The following CDH19 variants were observed in gnomAD, a reference collection of about 807,000 sequenced individuals.
The protein encoded by CDH19 is cadherin-19.
CDH19 carries 67 observed loss-of-function variants against 64.2 expected under a neutral mutation model. The ratio of observed to expected loss-of-function variants is 1.04; its 90% confidence interval spans 0.86 to 1.28. The LOEUF is 1.28. CDH19 is among the 50% of genes most tolerant of loss of function. The pLI is 0.00. For missense variants in CDH19, 1,030 were observed against 929.0 expected (o/e 1.11, Z -1.41); for synonymous variants, 346 against 319.3 (o/e 1.08, Z -0.89).
At chr18:66,544,365 T>C in intron 6 of CDH19, 141 bp from the exon 7 acceptor site, 1 of 690,502 alleles carries the variant, frequency 1.4e-6, no homozygotes, top group Non-Finnish European at 2.3e-6. Flanking sequence ...ATCTCTCTGA[T>C]ATAATTGTTA....
chr18:66,596,646 GA>G (rs1259835873), intron 1 of CDH19, among the ~76,000 whole-genome samples: 1 of 151,984 alleles, frequency 6.6e-6, no homozygotes, highest in Non-Finnish European at 1.5e-5. Context: ...GAAAATCAAA[GA>G]GGACACAAAT....
At chr18:66,587,887 C>T (rs1988623325) in intron 1 of CDH19, among the ~76,000 whole-genome samples, 1 of 152,156 alleles carries the variant, frequency 6.6e-6, no homozygotes, top group Non-Finnish European at 1.5e-5. Context: ...CATAATGGTA[C>T]TCATCTGTTC....
chr18:66,583,378 G>A (rs1015672945), intron 1 of CDH19, among the ~76,000 whole-genome samples: 10 of 151,910 alleles, frequency 6.6e-5, no homozygotes, highest in South Asian at 4.1e-4. Flanking sequence ...ACATTTGCAC[G>A]TTTGTTATAT....
At position 66,524,746 on chromosome 18, in the gene CDH19, T is replaced by C. The variant is rs181276958; in HGVS notation, c.1458+5099A>G. ...CCCTATGCACATACTCTTCTTTTAG[T>C]TTCTGGTATAATGAAGCTTTTTATT... is the stretch of plus-strand genomic sequence containing the variant. On this transcript the variant is annotated intron_variant, in intron 9 of 11. Coordinates refer to ENST00000262150, the MANE Select transcript of CDH19 (RefSeq NM_021153.4). Among the ~76,000 whole-genome samples the C allele has an allele frequency of 7.1e-3, 1,086 of 152,080 alleles. 8 individuals are homozygous for C. Among genetic ancestry groups the C allele is most frequent in the African/African-American group, 0.024 (1,011 of 41,516 alleles).
At chr18:66,529,532 ATAT>A (rs1385143845) in intron 9 of CDH19, among the ~76,000 whole-genome samples, 15 of 149,318 alleles carry the variant, frequency 1.0e-4, no homozygotes, top group Admixed American at 4.0e-4. Context: ...TTAAAATAAA[ATAT>A]TATTATACAA....
At chr18:66,529,329 TA>T (rs1040996585) in intron 9 of CDH19, among the ~76,000 whole-genome samples, 282 of 137,508 alleles carry the variant, frequency 2.1e-3, no homozygotes, top group African/African-American at 5.1e-3. Flanking sequence ...GCATGATGAA[TA>T]AAAAAAAAAA....
At chr18:66,581,642 G>A (rs1988423780) in intron 1 of CDH19, among the ~76,000 whole-genome samples, 1 of 151,978 alleles carries the variant, frequency 6.6e-6, no homozygotes, top group Non-Finnish European at 1.5e-5. Flanking sequence ...TCAGACTTTA[G>A]GTTCTTCGGC....
chr18:66,511,796 C>A (rs79928738), intron 9 of CDH19, 111 bp from the exon 10 acceptor site: 2 of 666,134 alleles, frequency 3.0e-6, no homozygotes, highest in East Asian at 2.8e-5. Flanking sequence ...TCAATAGGGA[C>A]ATTGCAGAAA....
intron 9 of CDH19, among the ~76,000 whole-genome samples, chr18:66,527,678 C>T (rs958164724): frequency 2.0e-5 from 3 of 151,908 alleles, no homozygotes; most frequent in African/African-American, 7.3e-5. Context: ...CGCTTGAACC[C>T]GAGACAGGGA....
In CDH19 at chr18:66,535,078, T is replaced by C. The variant is rs766274624; in HGVS notation, c.1244A>G (p.Asn415Ser). 28 of 1,496,770 alleles carry C rather than the reference T, an allele frequency of 1.9e-5. No individual in the cohort carries two copies. Among genetic ancestry groups the C allele is most frequent in the Non-Finnish European group, 1.8e-6 (2 of 1,102,574 alleles). The allele number at this position is 1,496,770 out of a possible 1,614,324, so 92.7% of individuals were successfully genotyped here. ...AGTGATTGTACCATTATCATTGATA[T>C]TGAACACTTTGCTCCTAGTAATAGA... ...RYSITRSKVF[N>S]INDNGTITTS... The change falls in exon 8 of 12, where the codon AAT becomes AGT. Residue 415 changes from asparagine to serine, a missense_variant. Coordinates refer to ENST00000262150, the MANE Select transcript of CDH19 (RefSeq NM_021153.4).
rs552838206 is a variant in CDH19, at chr18:66,592,844, T to C, written c.-113+11110A>G. ...GCTATTGTGAATTGCAATACATATA[T>C]TGCAATACACATTGGAATGCAGATA... On this transcript the variant is annotated intron_variant, in intron 1 of 11. Transcript: ENST00000262150. Among the ~76,000 whole-genome samples the C allele has an allele frequency of 5.6e-4, 85 of 152,008 alleles. 2 individuals are homozygous for C. Among genetic ancestry groups the C allele is most frequent in the African/African-American group, 2.0e-3 (82 of 41,552 alleles).
intron 8 of CDH19, among the ~76,000 whole-genome samples, chr18:66,533,213 T>TACACACACAC (rs35376051): frequency 0.012 from 1,733 of 149,036 alleles, 22 homozygotes; most frequent in African/African-American, 0.039. Flanking sequence ...TAGGATTTAT[T>TACACACACAC]ACACACACAC....
chr18:66,545,827 T>C (rs1240183363), intron 5 of CDH19, among the ~76,000 whole-genome samples: 2 of 151,946 alleles, frequency 1.3e-5, no homozygotes, highest in Non-Finnish European at 2.9e-5. Flanking sequence ...TCGAAAGGAG[T>C]TGGTAAGTGA....
chr18:66,555,133 C>A (rs1987470890), intron 3 of CDH19, among the ~76,000 whole-genome samples: 1 of 151,582 alleles, frequency 6.6e-6, no homozygotes, highest in South Asian at 2.1e-4. Context: ...AATTCAGTAA[C>A]AAGAAATAAA....
At chr18:66,532,296 A>G (rs1398255519) in intron 8 of CDH19, 1 of 152,046 alleles carries the variant, frequency 6.6e-6, no homozygotes, top group Non-Finnish European at 1.5e-5. Context: ...AAAGAAAGCT[A>G]TAGGAAAGGT....
chr18:66,504,774 C>T lies in CDH19; in HGVS notation c.*38G>A, dbSNP rs568810794. The T allele has an allele frequency of 6.4e-7, 1 of 1,551,208 alleles. No individual in the cohort carries two copies. Among genetic ancestry groups the T allele is most frequent in the South Asian group, 1.2e-5 (1 of 81,842 alleles). ...TTAAGACTACCATTGGGTTCGAATA[C>T]ACATTAGCACTTTTAAAAATTTTGA... On this transcript the variant is annotated 3_prime_UTR_variant, in exon 12 of 12. Coordinates refer to ENST00000262150, the MANE Select transcript of CDH19 (RefSeq NM_021153.4).
intron 9 of CDH19, among the ~76,000 whole-genome samples, chr18:66,517,805 T>C (rs1216725049): frequency 1.3e-5 from 2 of 151,936 alleles, no homozygotes; most frequent in African/African-American, 2.4e-5. Flanking sequence ...TAAAAGTATG[T>C]GAAGATGATA....
At chr18:66,521,920 TG>T (rs386419708) in intron 9 of CDH19, among the ~76,000 whole-genome samples, 38,036 of 89,016 alleles carry the variant, frequency 0.43, 5,227 homozygotes, top group Middle Eastern at 0.47. Context: ...CTTGTTCTGT[TG>T]TTGTTGTTGT....
intron 9 of CDH19, among the ~76,000 whole-genome samples, chr18:66,519,413 G>A (rs575969232): frequency 1.1e-4 from 16 of 152,272 alleles, no homozygotes; most frequent in African/African-American, 3.8e-4. Flanking sequence ...TTTTTGAAAT[G>A]AGGAGATTAG....
Sources: allele counts gnomAD v4.1 joint callset (sites outside exome capture counted in the v4.1 genomes callset), GRCh38; gene constraint gnomAD v4.1.1; transcripts MANE v1.5; gene names NCBI Gene and HGNC (gene_info 2026-07-23, HGNC 2026-07-21).